RIPPLY3: variants seen among roughly 807,000 people sequenced by gnomAD.
The protein encoded by RIPPLY3 is ripply transcriptional repressor 3, also known as protein ripply3.
Under a neutral mutation model 11.9 loss-of-function variants are expected in RIPPLY3, and 8 were observed. That is an observed-to-expected ratio of 0.67 (90% CI 0.40 to 1.21). The LOEUF (loss-of-function observed/expected upper bound fraction) is 1.21, where lower values mean the gene tolerates loss of function less well. RIPPLY3 is among the 50% of genes most tolerant of loss of function. RIPPLY3 has a pLI of 0.01. For synonymous variants in RIPPLY3, 102 were observed against 99.0 expected, an observed-to-expected ratio of 1.03 and a Z score of -0.18; for missense variants, 271 against 246.0, an observed-to-expected ratio of 1.10 and a Z score of -0.68.
intron 3 of RIPPLY3, among the ~76,000 whole-genome samples, chr21:37,016,972 A>T (rs1370821196): frequency 6.6e-6 from 1 of 152,152 alleles, no homozygotes; most frequent in Admixed American, 6.5e-5. Flanking sequence ...CCTGACCAAC[A>T]TGGTGAAACT....
chr21:37,012,696 A>C (rs2069537285), intron 2 of RIPPLY3, among the ~76,000 whole-genome samples: 1 of 152,028 alleles, frequency 6.6e-6, no homozygotes, highest in Non-Finnish European at 1.5e-5. Flanking sequence ...TCCCTGACTC[A>C]AAAATCCATC....
intron 2 of RIPPLY3, among the ~76,000 whole-genome samples, 186 bp from the exon 3 acceptor site, chr21:37,013,365 G>T (rs1175084530): frequency 6.6e-6 from 1 of 152,118 alleles, no homozygotes. Context: ...ACAGTGCCTG[G>T]GACATTTTGG....
Position 37,018,226 on chromosome 21 carries a change from G to C in RIPPLY3, c.*19G>C. On this transcript the variant is annotated 3_prime_UTR_variant, in exon 4 of 4. Coordinates refer to ENST00000329553, the MANE Select transcript of RIPPLY3 (RefSeq NM_018962.3). ...CAAATGAATCAGTCTCTGTCTCCTG[G>C]GCCCTGCTCTGGGACCTGCCCCTCA... 1 of 1,597,054 alleles carries C rather than the reference G, an allele frequency of 6.3e-7. No homozygotes were observed.
intron 1 of RIPPLY3, 112 bp from the exon 2 acceptor site, chr21:37,008,045 T>G: frequency 9.4e-7 from 1 of 1,062,638 alleles, no homozygotes; most frequent in Admixed American, 2.2e-5. Context: ...TCCTGGGGGG[T>G]CCGGTGCCTC....
rs2069468710 is a variant in RIPPLY3 at position 37,006,810 on chromosome 21, G to T, written c.38G>T (p.Arg13Leu). The change falls in exon 1 of 4, where the codon CGG (arginine) becomes CTG (leucine). Residue 13 changes from arginine to leucine, a missense_variant. Coordinates refer to ENST00000329553, the MANE Select transcript of RIPPLY3 (RefSeq NM_018962.3). The surrounding 1 kb of genome is among the most constrained non-coding windows in gnomAD (Gnocchi z 5.2). ...GCGGCGGCCGGAGCCCGGAAGGCGC[G>T]GGGGCGCGGCTGTCACTGCCCCGGG... ...PEAAAGARKA[R>L]GRGCHCPGDA... The T allele has an allele frequency of 4.1e-6, 5 of 1,230,586 alleles. No individual in the cohort carries two copies. In the South Asian group the frequency reaches 1.9e-4, roughly 48 times the overall value. The allele number at this position is 1,230,586 out of a possible 1,614,324, so 76.2% of individuals were successfully genotyped here.
chr21:37,014,309 A>G lies in RIPPLY3; in HGVS notation c.239+691A>G, dbSNP rs555752626. Among the ~76,000 whole-genome samples the G allele has an allele frequency of 2.1e-3, 324 of 151,658 alleles. 2 individuals are homozygous for G. Among genetic ancestry groups the G allele is most frequent in the Non-Finnish European group, 3.0e-3 (202 of 67,896 alleles). On this transcript the variant is annotated intron_variant, in intron 3 of 3. Transcript: ENST00000329553. ...CTCCAGCCTGGGCGACAAGAGCGAA[A>G]CTCTGTCTCCAAAAAAAAAAATCTA...
chr21:37,009,234 A>T (rs1047037268), intron 2 of RIPPLY3, among the ~76,000 whole-genome samples: 2 of 147,766 alleles, frequency 1.4e-5, no homozygotes, highest in Non-Finnish European at 3.0e-5. Flanking sequence ...CTTTTACTTA[A>T]TTTTTTTTTT....
At position 37,006,743 on chromosome 21, in the gene RIPPLY3, G is replaced by T. The variant is rs575100901; in HGVS notation, c.-30G>T. The T allele has an allele frequency of 1.3e-4, 156 of 1,208,818 alleles. 1 individual carries two copies. In the East Asian group the frequency reaches 5.1e-3, roughly 39 times the overall value. 74.9% of individuals were successfully genotyped at this position (1,208,818 alleles called of 1,614,324 possible). ...CTAGGCGCGCTCGTAGGCCGGCGCC[G>T]CAGCAAGGGGCGCGGGCTCCGCCGG... On this transcript the variant is annotated 5_prime_UTR_variant, in exon 1 of 4. Coordinates refer to ENST00000329553, the MANE Select transcript of RIPPLY3 (RefSeq NM_018962.3). The surrounding 1 kb of genome is among the most constrained non-coding windows in gnomAD (Gnocchi z 5.2).
At position 37,006,950 on chromosome 21, in the gene RIPPLY3, G is replaced by T; in HGVS notation, c.104+74G>T. ...TGGCGGTGCGGGGAGCGCAGCGAGC[G>T]GGAGGCTGGGGCGCTGCTGAACCCC... is the stretch of plus-strand genomic sequence containing the variant. On this transcript the variant is annotated intron_variant, in intron 1 of 3. Transcript: ENST00000329553. The surrounding 1 kb of genome is among the most constrained non-coding windows in gnomAD (Gnocchi z 5.2). 1 of 884,936 alleles carries T rather than the reference G, an allele frequency of 1.1e-6. No homozygotes were observed. The highest frequency in any genetic ancestry group is 5.7e-5 in the South Asian group (1 of 17,486). 54.8% of individuals were successfully genotyped at this position (884,936 alleles called of 1,614,324 possible). A position where few individuals can be genotyped will look rare whatever the true frequency, so the allele number is the denominator to read the frequency against.
intron 2 of RIPPLY3, among the ~76,000 whole-genome samples, chr21:37,012,035 C>G (rs561534200): frequency 7.3e-4 from 110 of 151,354 alleles, no homozygotes; most frequent in African/African-American, 2.6e-3. Context: ...ACATTCCCTC[C>G]GCCACCCGCC....
intron 2 of RIPPLY3, among the ~76,000 whole-genome samples, chr21:37,011,984 G>A (rs2069527446): frequency 2.1e-5 from 3 of 145,100 alleles, no homozygotes; most frequent in African/African-American, 7.7e-5. Flanking sequence ...AATGTCTGCA[G>A]AGGCTCCTTA....
At chr21:37,013,709 A>C in intron 3 of RIPPLY3, 91 bp downstream of exon 3, 2 of 871,734 alleles carry the variant, frequency 2.3e-6, no homozygotes, top group Non-Finnish European at 3.6e-6. Flanking sequence ...TAGATTGTCA[A>C]CAAAGTGGAA....
At position 37,006,789 on chromosome 21, in the gene RIPPLY3, C is replaced by A; in HGVS notation, c.17C>A (p.Ala6Glu). 4 of 1,232,416 alleles carry A rather than the reference C, an allele frequency of 3.2e-6. No individual in the cohort carries two copies. Among genetic ancestry groups the A allele is most frequent in the Non-Finnish European group, 4.0e-6 (4 of 988,564 alleles). The allele number at this position is 1,232,416 out of a possible 1,614,324, so 76.3% of individuals were successfully genotyped here. Reference sequence around the variant, plus strand: ...GCCGGCACCATGGAGCCCGAAGCGGCGGCCGGAGCCCGGAAGGCGCGGGGG... The same window carrying A: ...GCCGGCACCATGGAGCCCGAAGCGGAGGCCGGAGCCCGGAAGGCGCGGGGG... MEPEAAAGARKARGRG... is the reference protein window; with the variant it reads MEPEAEAGARKARGRG... Residue 6 changes from alanine to glutamate, a missense_variant, in exon 1 of 4, where the codon GCG becomes GAG. By Grantham distance (107) the Ala-to-Glu change is moderately radical (BLOSUM62 -1). Transcript: ENST00000329553. The surrounding 1 kb of genome is among the most constrained non-coding windows in gnomAD (Gnocchi z 5.2).
chr21:37,009,672 A>G (rs1422779089), intron 2 of RIPPLY3, among the ~76,000 whole-genome samples: 1 of 152,234 alleles, frequency 6.6e-6, no homozygotes, highest in African/African-American at 2.4e-5. Context: ...TTGCAGGAAT[A>G]AAAATACGAT....
chr21:37,008,062 A>C, intron 1 of RIPPLY3, 95 bp from the exon 2 acceptor site: 1 of 1,325,934 alleles, frequency 7.5e-7, no homozygotes, highest in Non-Finnish European at 1.1e-6. Context: ...CCTCTTTTTC[A>C]GGCAGACACT....
At position 37,006,767 on chromosome 21, in the gene RIPPLY3, G is replaced by A. The variant is rs1333953310; in HGVS notation, c.-6G>A. 4.1e-6 allele frequency: 5 copies of A among 1,229,396 alleles called. No homozygotes were observed. In the African/African-American group the frequency reaches 4.7e-5, roughly 12 times the overall value. 76.2% of individuals were successfully genotyped at this position (1,229,396 alleles called of 1,614,324 possible). A position where few individuals can be genotyped will look rare whatever the true frequency, so the allele number is the denominator to read the frequency against. Reference sequence around the variant, plus strand: ...CGCAGCAAGGGGCGCGGGCTCCGCCGGCACCATGGAGCCCGAAGCGGCGGC... The same window carrying A: ...CGCAGCAAGGGGCGCGGGCTCCGCCAGCACCATGGAGCCCGAAGCGGCGGC... On this transcript the variant is annotated 5_prime_UTR_variant, in exon 1 of 4. Coordinates refer to ENST00000329553, the MANE Select transcript of RIPPLY3 (RefSeq NM_018962.3). The surrounding 1 kb of genome is among the most constrained non-coding windows in gnomAD (Gnocchi z 5.2).
At chr21:37,013,691 CA>C (rs1325792106) in intron 3 of RIPPLY3, 73 bp downstream of exon 3, 1 of 1,062,062 alleles carries the variant, frequency 9.4e-7, no homozygotes, top group Non-Finnish European at 1.4e-6. Context: ...TTAGTGTCTT[CA>C]ACCACATAGA....
chr21:37,006,900 T>G lies in RIPPLY3; in HGVS notation c.104+24T>G. 1 of 1,182,894 alleles carries G rather than the reference T, an allele frequency of 8.5e-7. No individual in the cohort carries two copies. The highest frequency in any genetic ancestry group is 1.1e-6 in the Non-Finnish European group (1 of 947,502). The allele number at this position is 1,182,894 out of a possible 1,614,324, so 73.3% of individuals were successfully genotyped here. On this transcript the variant is annotated intron_variant, in intron 1 of 3. Coordinates refer to ENST00000329553, the MANE Select transcript of RIPPLY3 (RefSeq NM_018962.3). The surrounding 1 kb of genome is among the most constrained non-coding windows in gnomAD (Gnocchi z 5.2). Reference sequence around the variant, plus strand: ...AGGTGAGGGTGGCCCCGCGCCCCGGTGGACGCGCTGAGAGGCGTGCGCGGT... The same window carrying G: ...AGGTGAGGGTGGCCCCGCGCCCCGGGGGACGCGCTGAGAGGCGTGCGCGGT...
chr21:37,009,454 G>A (rs1038809994), intron 2 of RIPPLY3, among the ~76,000 whole-genome samples: 3 of 152,096 alleles, frequency 2.0e-5, no homozygotes, highest in Admixed American at 6.5e-5. Flanking sequence ...CTTCAAAGAA[G>A]GAAGCAGATA....
Sources: gnomAD v4.1 joint callset for allele counts (sites outside exome capture counted in the v4.1 genomes callset) on GRCh38, gnomAD v4.1.1 for gene constraint, Gnocchi (gnomAD v3.1) non-coding constraint, MANE v1.5 for transcripts, NCBI Gene and HGNC (gene_info 2026-07-23, HGNC 2026-07-21) for gene names.